TFDP2: variants seen among roughly 807,000 people sequenced by gnomAD.
The protein encoded by TFDP2 is transcription factor Dp-2, also known as transcription factor Dp-2 (E2F dimerization partner 2).
Under a neutral mutation model 59.3 loss-of-function variants are expected in TFDP2, and 17 were observed. The ratio of observed to expected loss-of-function variants is 0.29; its 90% CI spans 0.20 to 0.43. The LOEUF (loss-of-function observed/expected upper bound fraction) is 0.43. Among genes scored for constraint, TFDP2 ranks in the 20% least tolerant of loss-of-function variants. TFDP2 has a pLI of 1.00. For synonymous variants in TFDP2, 180 were observed against 194.7 expected (o/e 0.92, Z 0.63); for missense variants, 391 against 528.8 (o/e 0.74, Z 2.56).
chr3:142,076,542 T>C (rs1305064427), intron 3 of TFDP2, among the ~76,000 whole-genome samples: 1 of 152,188 alleles, frequency 6.6e-6, no homozygotes, highest in Non-Finnish European at 1.5e-5. Context: ...ATAGAAATAA[T>C]GTGATAGTGG....
chr3:142,102,729 C>T (rs1203848244), intron 1 of TFDP2, among the ~76,000 whole-genome samples: 1 of 152,124 alleles, frequency 6.6e-6, no homozygotes, highest in East Asian at 1.9e-4. Flanking sequence ...AATAATGGGG[C>T]AAGCCAACAT....
In TFDP2 at chr3:141,969,089, A is replaced by G. The variant is rs1476372595; in HGVS notation, c.732+984T>C. Among the ~76,000 whole-genome samples, 22 of 60,498 alleles carry G rather than the reference A, an allele frequency of 3.6e-4. 2 individuals carry two copies. The highest frequency in any genetic ancestry group is 1.4e-3 in the African/African-American group (16 of 11,070). The allele number at this position is 60,498 out of a possible 152,430, so 39.7% of individuals were successfully genotyped here. ...TCATATATATGAGATATATATATAT[A>G]ACATATATATATATCTCATATATAT... On this transcript the variant is annotated intron_variant, in intron 9 of 12. Coordinates refer to ENST00000489671, the MANE Select transcript of TFDP2 (RefSeq NM_001178139.2).
At chr3:142,011,589 A>AT (rs1396361523) in intron 3 of TFDP2, among the ~76,000 whole-genome samples, 6 of 137,592 alleles carry the variant, frequency 4.4e-5, no homozygotes, top group Admixed American at 4.3e-4. Context: ...TTAAAGTATA[A>AT]TAAAAAAAAA....
intron 2 of TFDP2, among the ~76,000 whole-genome samples, chr3:142,098,635 G>A (rs2061236718): frequency 6.6e-6 from 1 of 152,130 alleles, no homozygotes; most frequent in Non-Finnish European, 1.5e-5. Flanking sequence ...GCCAGGTGCA[G>A]TGGCTCACAC....
intron 2 of TFDP2, 137 bp downstream of exon 2, chr3:142,101,598 C>T (rs1206191016): frequency 1.9e-6 from 1 of 539,594 alleles, no homozygotes; most frequent in Non-Finnish European, 3.0e-6. Flanking sequence ...TCATATTCTG[C>T]ATAAACATAA....
intron 3 of TFDP2, among the ~76,000 whole-genome samples, chr3:142,085,285 T>C (rs909787240): frequency 6.6e-6 from 1 of 152,172 alleles, no homozygotes; most frequent in Admixed American, 6.5e-5. Flanking sequence ...AAAGGACAAA[T>C]GCTTGAGGGG....
At chr3:142,114,703 A>G (rs2061788907) in intron 1 of TFDP2, among the ~76,000 whole-genome samples, 1 of 151,794 alleles carries the variant, frequency 6.6e-6, no homozygotes. Context: ...AAGGGAAAGG[A>G]AAGTTGAATG....
At chr3:142,144,537 CTATTTATTTATT>C (rs768072917) in intron 1 of TFDP2, among the ~76,000 whole-genome samples, 1 of 151,902 alleles carries the variant, frequency 6.6e-6, no homozygotes, top group Non-Finnish European at 1.5e-5. Context: ...TTATTTATTC[CTATTTATTTATT>C]TATTTATTTA....
chr3:141,999,814 C>A (rs1943607911), intron 4 of TFDP2, among the ~76,000 whole-genome samples: 1 of 151,694 alleles, frequency 6.6e-6, no homozygotes, highest in Non-Finnish European at 1.5e-5. Context: ...CAGCTCACTG[C>A]AAGCTCCGCC....
chr3:142,024,961 A>C (rs1005287476), intron 3 of TFDP2, among the ~76,000 whole-genome samples: 2 of 152,134 alleles, frequency 1.3e-5, no homozygotes, highest in East Asian at 3.9e-4. Context: ...CACAGGTTAC[A>C]GTGAGCTGAG....
At position 141,952,262 on chromosome 3, in the gene TFDP2, A is replaced by G. The variant is rs1936010414; in HGVS notation, c.*251T>C. 1 of 345,202 alleles carries G rather than the reference A, an allele frequency of 2.9e-6. No individual in the cohort carries two copies. The highest frequency in any genetic ancestry group is 5.1e-6 in the Non-Finnish European group (1 of 195,056). 21.4% of individuals were successfully genotyped at this position (345,202 alleles called of 1,614,324 possible). The stretch of plus-strand genomic sequence containing the variant: ...CAACTCTTCAGGGATTATCCCCACT[A>G]TCTCCTCAGAAAGCATGCTTTCTTT... On this transcript the variant is annotated 3_prime_UTR_variant, in exon 13 of 13. Coordinates refer to ENST00000489671, the MANE Select transcript of TFDP2 (RefSeq NM_001178139.2).
intron 3 of TFDP2, among the ~76,000 whole-genome samples, chr3:142,007,348 C>A (rs529846492): frequency 1.3e-5 from 2 of 152,268 alleles, no homozygotes; most frequent in South Asian, 4.2e-4. Context: ...CTTATACGAT[C>A]ATCGAATCCA....
At chr3:142,116,127 C>G (rs114503684) in intron 1 of TFDP2, among the ~76,000 whole-genome samples, 1,695 of 151,422 alleles carry the variant, frequency 0.011, 25 homozygotes, top group Non-Finnish European at 0.015. Context: ...TGCAGTGGTG[C>G]AATCACAGCT....
At chr3:142,014,478 G>A (rs1426280682) in intron 3 of TFDP2, among the ~76,000 whole-genome samples, 1 of 152,052 alleles carries the variant, frequency 6.6e-6, no homozygotes, top group African/African-American at 2.4e-5. Context: ...CTGTGGTGGT[G>A]TATGTGTTTG....
At chr3:142,140,644 T>A (rs1368783232) in intron 1 of TFDP2, among the ~76,000 whole-genome samples, 3 of 152,176 alleles carry the variant, frequency 2.0e-5, no homozygotes, top group African/African-American at 7.2e-5. Flanking sequence ...TCTGTTGGAG[T>A]TTGCTGGAGG....
At chr3:142,065,561 G>A (rs1012421410) in intron 3 of TFDP2, among the ~76,000 whole-genome samples, 2 of 151,818 alleles carry the variant, frequency 1.3e-5, no homozygotes, top group African/African-American at 4.8e-5. Flanking sequence ...GCCTAGGCTG[G>A]AGCAGGGTGG....
intron 2 of TFDP2, among the ~76,000 whole-genome samples, chr3:142,098,331 G>C (rs1184080847): frequency 6.8e-6 from 1 of 146,708 alleles, no homozygotes; most frequent in Non-Finnish European, 1.5e-5. Context: ...GCTTAAATTA[G>C]AACACAACTG....
At chr3:142,050,273 A>G (rs913791828) in intron 3 of TFDP2, among the ~76,000 whole-genome samples, 5 of 150,896 alleles carry the variant, frequency 3.3e-5, no homozygotes, top group Non-Finnish European at 7.4e-5. Flanking sequence ...CAAAAAAAAA[A>G]AAATAATAAA....
rs572995833 is a variant in TFDP2 at position 141,987,323 on chromosome 3, C to T, written c.356+6215G>A. 9.5e-5 allele frequency among the ~76,000 whole-genome samples: 14 copies of T among 147,718 alleles called. No homozygotes were observed. In the South Asian group the frequency reaches 1.3e-3, roughly 14 times the overall value. ...TTTTAGCCAGAGTCTCACTCTGTCACCCAGGCTGCAGTACAGTGGTGTGAT... is the reference window on the plus strand; with the variant it reads ...TTTTAGCCAGAGTCTCACTCTGTCATCCAGGCTGCAGTACAGTGGTGTGAT... On this transcript the variant is annotated intron_variant, in intron 6 of 12. Coordinates refer to ENST00000489671, the MANE Select transcript of TFDP2 (RefSeq NM_001178139.2).
Sources: allele counts gnomAD v4.1 joint callset (sites outside exome capture counted in the v4.1 genomes callset), GRCh38; gene constraint gnomAD v4.1.1; transcripts MANE v1.5; gene names NCBI Gene and HGNC (gene_info 2026-07-23, HGNC 2026-07-21).